The following CBLB variants were observed in gnomAD, a reference collection of about 807,000 sequenced individuals.
The protein encoded by CBLB is E3 ubiquitin-protein ligase CBL-B.
CBLB carries 31 observed loss-of-function variants against 104.9 expected under a neutral mutation model. The ratio of observed to expected loss-of-function variants is 0.30; its 90% CI spans 0.22 to 0.40. CBLB has a LOEUF of 0.40. CBLB is among the 10% of genes least tolerant of loss of function. CBLB has a pLI of 1.00. For synonymous variants in CBLB, 440 were observed against 422.6 expected, an observed-to-expected ratio of 1.04 and a Z score of -0.51; for missense variants, 1,062 against 1,214.6, an observed-to-expected ratio of 0.87 and a Z score of 1.87.
intron 9 of CBLB, among the ~76,000 whole-genome samples, chr3:105,720,821 C>T (rs956391505): frequency 6.6e-6 from 1 of 152,166 alleles, no homozygotes; most frequent in Admixed American, 6.5e-5. Flanking sequence ...GTCCTGAAAG[C>T]CTGTCATCCT....
intron 11 of CBLB, among the ~76,000 whole-genome samples, 163 bp from the exon 12 acceptor site, chr3:105,702,622 C>T (rs1450959544): frequency 6.6e-6 from 1 of 150,890 alleles, no homozygotes; most frequent in Non-Finnish European, 1.5e-5. Context: ...GCTTTTATTA[C>T]TAGTTAATGA....
At chr3:105,784,859 T>G (rs1333668665) in intron 3 of CBLB, among the ~76,000 whole-genome samples, 1 of 152,230 alleles carries the variant, frequency 6.6e-6, no homozygotes, top group South Asian at 2.1e-4. Context: ...ACACTACTTC[T>G]GTTTTCTCCC....
intron 5 of CBLB, among the ~76,000 whole-genome samples, chr3:105,750,023 ATT>A (rs11326645): frequency 2.2e-4 from 33 of 146,814 alleles, no homozygotes; most frequent in Admixed American, 4.1e-4. Flanking sequence ...TCCTATATGT[ATT>A]TTTTTTTTTT....
intron 3 of CBLB, among the ~76,000 whole-genome samples, chr3:105,825,281 G>A (rs2086421859): frequency 6.6e-6 from 1 of 152,134 alleles, no homozygotes; most frequent in South Asian, 2.1e-4. Flanking sequence ...ACCAGAGTGG[G>A]ATAACTATCT....
Position 105,867,548 on chromosome 3 carries a change from A to G in CBLB, c.30T>C (p.Pro10=), listed in dbSNP as rs757400900. Reference sequence around the variant, plus strand: ...TTCGGGGATTTCCTCCTCGACCACCAGGGTTTCTGCCATTCATTGAGTTTG... The same window carrying G: ...TTCGGGGATTTCCTCCTCGACCACCGGGGTTTCTGCCATTCATTGAGTTTG... MANSMNGRN[P]GGRGGNPRKG... The change falls in exon 2 of 19, where the codon CCT becomes CCC. Residue 10 remains proline (P), a synonymous_variant. Transcript: ENST00000394030. The G allele has an allele frequency of 6.2e-7, 1 of 1,614,176 alleles. No homozygotes were observed. Among genetic ancestry groups the G allele is most frequent in the South Asian group, 1.1e-5 (1 of 91,084 alleles).
intron 10 of CBLB, among the ~76,000 whole-genome samples, chr3:105,718,514 G>A (rs927869033): frequency 6.6e-6 from 1 of 152,156 alleles, no homozygotes; most frequent in Non-Finnish European, 1.5e-5. Context: ...CCAAAGAAAT[G>A]CCTTGTCAAA....
At chr3:105,708,818 T>C (rs1210750443) in intron 10 of CBLB, among the ~76,000 whole-genome samples, 1 of 151,974 alleles carries the variant, frequency 6.6e-6, no homozygotes, top group Non-Finnish European at 1.5e-5. Context: ...TTTATAAACA[T>C]TATGTAAAAT....
At chr3:105,679,627 T>C (rs1278977842) in intron 16 of CBLB, among the ~76,000 whole-genome samples, 1 of 151,924 alleles carries the variant, frequency 6.6e-6, no homozygotes, top group Non-Finnish European at 1.5e-5. Flanking sequence ...ATACAAAAAA[T>C]TAGCCGGGCA....
chr3:105,663,670 T>C (rs1427906603), intron 18 of CBLB, among the ~76,000 whole-genome samples: 1 of 152,176 alleles, frequency 6.6e-6, no homozygotes, highest in Non-Finnish European at 1.5e-5. Context: ...CTGGATTGCA[T>C]GGGAATTAGC....
chr3:105,693,376 C>A, intron 13 of CBLB, 118 bp downstream of exon 13: 1 of 698,248 alleles, frequency 1.4e-6, no homozygotes, highest in Non-Finnish European at 2.6e-6. Context: ...ATACAGCTGG[C>A]TGTTTACTAT....
chr3:105,757,417 T>C (rs1316267686), intron 4 of CBLB, among the ~76,000 whole-genome samples: 1 of 152,176 alleles, frequency 6.6e-6, no homozygotes, highest in African/African-American at 2.4e-5. Context: ...ATGGCATGTA[T>C]CAGAACTACT....
chr3:105,659,615 G>C (rs999001820), intron 18 of CBLB, among the ~76,000 whole-genome samples: 33 of 152,194 alleles, frequency 2.2e-4, no homozygotes, highest in Non-Finnish European at 4.4e-5. Flanking sequence ...GGCTCTGGTT[G>C]ATGGTTCTCC....
chr3:105,809,032 ATT>A (rs2083903088), intron 3 of CBLB, among the ~76,000 whole-genome samples: 1 of 152,232 alleles, frequency 6.6e-6, no homozygotes, highest in Non-Finnish European at 1.5e-5. Context: ...GCTCATATTT[ATT>A]GAGTTCAGCT....
chr3:105,837,172 A>G (rs1335486487), intron 3 of CBLB, among the ~76,000 whole-genome samples: 1 of 152,248 alleles, frequency 6.6e-6, no homozygotes, highest in Non-Finnish European at 1.5e-5. Flanking sequence ...CAATTCCCAC[A>G]ATAAGACTTA....
chr3:105,813,629 T>C (rs960300152), intron 3 of CBLB, among the ~76,000 whole-genome samples: 9 of 152,266 alleles, frequency 5.9e-5, no homozygotes, highest in African/African-American at 2.2e-4. Context: ...TGTAAGGTTA[T>C]TCCTCCAAGG....
intron 14 of CBLB, among the ~76,000 whole-genome samples, chr3:105,682,948 A>G (rs1183685581): frequency 1.3e-5 from 2 of 152,348 alleles, no homozygotes; most frequent in South Asian, 4.1e-4. Context: ...ACAAAGAGCT[A>G]TAGAAATCAG....
chr3:105,779,692 G>C (rs764740358), intron 3 of CBLB, among the ~76,000 whole-genome samples: 1 of 150,710 alleles, frequency 6.6e-6, no homozygotes, highest in Non-Finnish European at 1.5e-5. Flanking sequence ...AAAAAAAAAA[G>C]AGAAAGAGAA....
At chr3:105,672,604 T>A (rs6437611) in intron 17 of CBLB, 30,199 of 153,578 alleles carry the variant, frequency 0.2, 3,135 homozygotes, top group Admixed American at 0.25. Context: ...AAATATTATA[T>A]CCACAGGATT....
At chr3:105,689,087 C>A (rs536386696) in intron 13 of CBLB, among the ~76,000 whole-genome samples, 1 of 152,060 alleles carries the variant, frequency 6.6e-6, no homozygotes, top group African/African-American at 2.4e-5. Flanking sequence ...TATCCTCTTC[C>A]CTGCTTATTT....
Sources: allele counts gnomAD v4.1 joint callset (sites outside exome capture counted in the v4.1 genomes callset), GRCh38; gene constraint gnomAD v4.1.1; transcripts MANE v1.5; gene names NCBI Gene and HGNC (gene_info 2026-07-23, HGNC 2026-07-21).